NRXN1: variants seen among roughly 807,000 people sequenced by gnomAD.
NRXN1 encodes neurexin-1.
In NRXN1, 39 loss-of-function variants were observed where a neutral mutation model predicts 150.9. The observed-to-expected ratio is 0.26, with a 90% confidence interval of 0.20 to 0.34. The LOEUF is 0.34. NRXN1 is among the 10% of genes least tolerant of loss of function. The pLI is 1.00. For synonymous variants in NRXN1, 924 were observed against 757.0 expected, an observed-to-expected ratio of 1.22 and a Z score of -3.62; for missense variants, 1,815 against 1,949.9, an observed-to-expected ratio of 0.93 and a Z score of 1.30.
intron 22 of NRXN1, among the ~76,000 whole-genome samples, chr2:49,942,278 G>A (rs1325375172): frequency 2.0e-5 from 3 of 152,100 alleles, no homozygotes; most frequent in African/African-American, 2.4e-5. Context: ...CCCACGCCCT[G>A]TCCTGTTGCG....
intron 19 of NRXN1, among the ~76,000 whole-genome samples, chr2:50,059,072 GT>G (rs369476337): frequency 6.6e-6 from 1 of 152,208 alleles, no homozygotes; most frequent in African/African-American, 2.4e-5. Flanking sequence ...GGCAGAGGAT[GT>G]AACAGTTTGG....
intron 5 of NRXN1, among the ~76,000 whole-genome samples, chr2:50,715,154 T>C (rs1695708884): frequency 6.6e-6 from 1 of 152,288 alleles, no homozygotes; most frequent in African/African-American, 2.4e-5. Flanking sequence ...ACTCAAATAG[T>C]ACTGTCTAGC....
chr2:50,161,344 A>T (rs991323246), intron 18 of NRXN1, among the ~76,000 whole-genome samples: 1 of 152,186 alleles, frequency 6.6e-6, no homozygotes, highest in African/African-American at 2.4e-5. Context: ...TCTGGACTAG[A>T]ATTCAAATCA....
intron 17 of NRXN1, among the ~76,000 whole-genome samples, chr2:50,276,320 A>G (rs2070461240): frequency 6.6e-6 from 1 of 152,186 alleles, no homozygotes; most frequent in Admixed American, 6.5e-5. Flanking sequence ...TGGACCAATA[A>G]AAAGCGGAAA....
At chr2:50,107,534 T>TAC (rs1454687067) in intron 18 of NRXN1, among the ~76,000 whole-genome samples, 9 of 129,314 alleles carry the variant, frequency 7.0e-5, no homozygotes, top group African/African-American at 2.6e-4. Flanking sequence ...TATATATATA[T>TAC]ATATATTTTT....
intron 17 of NRXN1, among the ~76,000 whole-genome samples, chr2:50,299,171 T>C (rs1482330688): frequency 6.6e-6 from 1 of 152,144 alleles, no homozygotes; most frequent in East Asian, 1.9e-4. Context: ...CTTTATACAA[T>C]TGCATCCTCT....
At chr2:50,450,938 G>C (rs2086899120) in intron 17 of NRXN1, among the ~76,000 whole-genome samples, 1 of 152,100 alleles carries the variant, frequency 6.6e-6, no homozygotes, top group African/African-American at 2.4e-5. Context: ...CAATTGACTA[G>C]AAACCTGCTA....
At chr2:50,276,925 G>C (rs2152927926) in intron 17 of NRXN1, among the ~76,000 whole-genome samples, 1 of 152,190 alleles carries the variant, frequency 6.6e-6, no homozygotes, top group South Asian at 2.1e-4. Context: ...ATCCAATATA[G>C]TCTTACTTCT....
chr2:50,649,216 G>T (rs751403375), intron 5 of NRXN1, among the ~76,000 whole-genome samples: 1 of 147,774 alleles, frequency 6.8e-6, no homozygotes, highest in Non-Finnish European at 1.5e-5. Flanking sequence ...TCAAGGAAAA[G>T]AATACAAAAT....
intron 17 of NRXN1, among the ~76,000 whole-genome samples, chr2:50,259,647 T>C (rs2068052136): frequency 1.3e-5 from 2 of 151,856 alleles, no homozygotes; most frequent in South Asian, 4.1e-4. Flanking sequence ...TAAAATATTC[T>C]CCAAATGTAA....
chr2:50,746,651 C>A (rs1700061233), intron 5 of NRXN1, among the ~76,000 whole-genome samples: 1 of 152,120 alleles, frequency 6.6e-6, no homozygotes, highest in Non-Finnish European at 1.5e-5. Flanking sequence ...GAAACACAAT[C>A]CACTCAGAGA....
chr2:50,438,367 C>T (rs2085635112), intron 17 of NRXN1, among the ~76,000 whole-genome samples: 1 of 152,204 alleles, frequency 6.6e-6, no homozygotes, highest in South Asian at 2.1e-4. Context: ...AGCAAAATGT[C>T]AACCAGTGAA....
chr2:50,199,403 C>T (rs1237468233), intron 18 of NRXN1: 1 of 152,048 alleles, frequency 6.6e-6, no homozygotes, highest in Non-Finnish European at 1.5e-5. Flanking sequence ...CCCAACCCCA[C>T]CCCACCAAAA....
intron 15 of NRXN1, among the ~76,000 whole-genome samples, chr2:50,473,987 A>G (rs891702910): frequency 6.6e-6 from 1 of 151,980 alleles, no homozygotes; most frequent in African/African-American, 2.4e-5. Flanking sequence ...CCTAACTAAA[A>G]CTTAAGTTTT....
At chr2:49,982,278 T>C (rs779615192) in intron 21 of NRXN1, among the ~76,000 whole-genome samples, 14 of 152,154 alleles carry the variant, frequency 9.2e-5, no homozygotes, top group Non-Finnish European at 1.8e-4. Flanking sequence ...CCTTGAATGA[T>C]GGTAGAGTTA....
chr2:50,620,385 T>G (rs780083196), intron 7 of NRXN1, among the ~76,000 whole-genome samples: 1 of 152,166 alleles, frequency 6.6e-6, no homozygotes, highest in East Asian at 1.9e-4. Context: ...ATTCTTAGAT[T>G]CTATTCAACT....
chr2:50,196,698 A>G (rs986365682), intron 18 of NRXN1, among the ~76,000 whole-genome samples: 1 of 152,162 alleles, frequency 6.6e-6, no homozygotes, highest in Admixed American at 6.6e-5. Context: ...TTATTATCCC[A>G]TATTTCTATT....
intron 17 of NRXN1, among the ~76,000 whole-genome samples, chr2:50,372,079 A>G (rs2080070543): frequency 6.6e-6 from 1 of 152,092 alleles, no homozygotes; most frequent in Admixed American, 6.6e-5. Context: ...TCTTTCATAC[A>G]TTTGAAGTAA....
At chr2:50,148,822 G>C (rs1458217127) in intron 18 of NRXN1, among the ~76,000 whole-genome samples, 3 of 151,692 alleles carry the variant, frequency 2.0e-5, no homozygotes, top group Non-Finnish European at 3.0e-5. Flanking sequence ...ATTGTTGTCT[G>C]AGAATTCACC....
Sources: gnomAD v4.1 joint callset for allele counts (sites outside exome capture counted in the v4.1 genomes callset) on GRCh38, gnomAD v4.1.1 for gene constraint, MANE v1.5 for transcripts, NCBI Gene and HGNC (gene_info 2026-07-23, HGNC 2026-07-21) for gene names.